Variants in MBOAT2 observed in about 807,000 individuals in gnomAD.
MBOAT2 encodes the protein membrane bound glycerophospholipid O-acyltransferase 2, also known as membrane-bound glycerophospholipid O-acyltransferase 2.
In MBOAT2, 28 loss-of-function variants were observed where a neutral mutation model predicts 63.4. The observed-to-expected ratio is 0.44, with a 90% CI of 0.33 to 0.61. MBOAT2 has a LOEUF of 0.61. Among genes scored for constraint, MBOAT2 ranks in the 20% least tolerant of loss-of-function variants. MBOAT2 has a pLI of 0.03. For synonymous variants in MBOAT2, 211 were observed against 215.6 expected (o/e 0.98, Z 0.19); for missense variants, 470 against 605.8 (o/e 0.78, Z 2.35).
intron 6 of MBOAT2, among the ~76,000 whole-genome samples, chr2:8,877,453 C>T (rs578004271): frequency 1.3e-5 from 2 of 152,184 alleles, no homozygotes; most frequent in South Asian, 2.1e-4. Context: ...AGATTTCTCA[C>T]GATGAGACAA....
intron 1 of MBOAT2, among the ~76,000 whole-genome samples, chr2:8,998,935 C>G (rs892397854): frequency 3.3e-5 from 5 of 152,188 alleles, no homozygotes; most frequent in African/African-American, 1.2e-4. Context: ...CTAAATACTT[C>G]AGGTCTTGAA....
At chr2:8,922,903 G>A (rs1350358110) in intron 3 of MBOAT2, among the ~76,000 whole-genome samples, 1 of 152,218 alleles carries the variant, frequency 6.6e-6, no homozygotes, top group Non-Finnish European at 1.5e-5. Flanking sequence ...ACTGCATGGG[G>A]TTCTCTGCCT....
intron 3 of MBOAT2, among the ~76,000 whole-genome samples, chr2:8,933,030 A>G (rs1016843727): frequency 2.0e-5 from 3 of 152,218 alleles, no homozygotes; most frequent in South Asian, 4.1e-4. Context: ...TTTTCTCACA[A>G]AACTTCAACA....
rs185547514 is a variant in MBOAT2 at position 8,896,845 on chromosome 2, G to C, written c.396-8772C>G. On this transcript the variant is annotated intron_variant, in intron 4 of 12. Coordinates refer to ENST00000305997, the MANE Select transcript of MBOAT2 (RefSeq NM_138799.4). ...GCCTGGGAGGAACCATCTATCTCCT[G>C]TCCTGAAGGGAGTTCCTCCTATGCC... is the stretch of plus-strand genomic sequence containing the variant. 3.2e-3 allele frequency among the ~76,000 whole-genome samples: 481 copies of C among 152,296 alleles called. 2 individuals are homozygous for C. The highest frequency in any genetic ancestry group is 5.3e-3 in the Non-Finnish European group (358 of 68,030).
At chr2:8,895,031 AC>A (rs1664333674) in intron 4 of MBOAT2, among the ~76,000 whole-genome samples, 1 of 152,230 alleles carries the variant, frequency 6.6e-6, no homozygotes, top group South Asian at 2.1e-4. Context: ...AAAGCTGCAG[AC>A]CTTCATGGTG....
chr2:8,924,993 C>A (rs377665455), intron 3 of MBOAT2, among the ~76,000 whole-genome samples: 1 of 152,026 alleles, frequency 6.6e-6, no homozygotes, highest in Non-Finnish European at 1.5e-5. Context: ...AAAAAACATT[C>A]AAAGCTTTTT....
intron 7 of MBOAT2, among the ~76,000 whole-genome samples, chr2:8,874,324 C>A (rs144492780): frequency 1.2e-3 from 180 of 152,226 alleles, no homozygotes; most frequent in African/African-American, 4.2e-3. Flanking sequence ...TCTTTTATCC[C>A]TTTCTTTAAT....
chr2:8,985,289 AT>A (rs1284598056), intron 1 of MBOAT2, among the ~76,000 whole-genome samples: 1 of 152,136 alleles, frequency 6.6e-6, no homozygotes, highest in Non-Finnish European at 1.5e-5. Context: ...TTTGATTTAA[AT>A]TTTTTTCATC....
At chr2:8,897,275 TTC>T (rs1217608321) in intron 4 of MBOAT2, among the ~76,000 whole-genome samples, 1 of 152,118 alleles carries the variant, frequency 6.6e-6, no homozygotes, top group Non-Finnish European at 1.5e-5. Context: ...TTCTGTCTCT[TTC>T]TCTCTTTCCT....
At chr2:8,943,126 T>G in intron 3 of MBOAT2, 61 bp downstream of exon 3, 1 of 927,292 alleles carries the variant, frequency 1.1e-6, no homozygotes. Context: ...TAAAATTCTA[T>G]TTTGATGCAG....
intron 2 of MBOAT2, among the ~76,000 whole-genome samples, chr2:8,954,448 T>TC (rs542887499): frequency 6.1e-4 from 92 of 151,744 alleles, no homozygotes; most frequent in African/African-American, 2.1e-3. Flanking sequence ...GGCCTACAGA[T>TC]CCCCCAGTGG....
chr2:8,864,911 T>C (rs1250664931), intron 9 of MBOAT2, among the ~76,000 whole-genome samples: 1 of 152,238 alleles, frequency 6.6e-6, no homozygotes. Context: ...TGTTCCCTTA[T>C]GTAAATTACT....
At chr2:8,877,479 A>G (rs1662780457) in intron 6 of MBOAT2, among the ~76,000 whole-genome samples, 1 of 152,218 alleles carries the variant, frequency 6.6e-6, no homozygotes, top group Admixed American at 6.5e-5. Flanking sequence ...AGATGGACGC[A>G]CTATCTGCAA....
chr2:8,977,023 G>T (rs1187867017), intron 1 of MBOAT2, among the ~76,000 whole-genome samples: 1 of 152,076 alleles, frequency 6.6e-6, no homozygotes, highest in Non-Finnish European at 1.5e-5. Flanking sequence ...ATCAGTGGTT[G>T]CCTGGGGATG....
chr2:8,897,560 T>G (rs1315326352), intron 4 of MBOAT2, among the ~76,000 whole-genome samples: 2 of 152,368 alleles, frequency 1.3e-5, no homozygotes, highest in Non-Finnish European at 2.9e-5. Flanking sequence ...GTTCTAAGGC[T>G]TGGGTAAGTG....
At chr2:8,943,490 A>G (rs1668194586) in intron 2 of MBOAT2, among the ~76,000 whole-genome samples, 1 of 152,216 alleles carries the variant, frequency 6.6e-6, no homozygotes, top group Non-Finnish European at 1.5e-5. Flanking sequence ...AGCCATGCCC[A>G]GTGCCCAGCA....
In MBOAT2 at chr2:8,853,677, A is replaced by G. The variant is rs1381819852; in HGVS notation, c.*5002T>C. 3 of 152,352 alleles carry G rather than the reference A, an allele frequency of 2.0e-5. No individual in the cohort carries two copies. The highest frequency in any genetic ancestry group is 7.2e-5 in the African/African-American group (3 of 41,574). The allele number at this position is 152,352 out of a possible 1,614,324, so 9.4% of individuals were successfully genotyped here. ...TGATAAAACATGGCTGGAGATGGCT[A>G]TGAATCGCTGAGTAAGCTTCAGACA... On this transcript the variant is annotated 3_prime_UTR_variant, in exon 13 of 13. Transcript: ENST00000305997.
chr2:8,994,140 C>T (rs529068034), intron 1 of MBOAT2, among the ~76,000 whole-genome samples: 3 of 152,246 alleles, frequency 2.0e-5, no homozygotes, highest in South Asian at 2.1e-4. Context: ...AAACATGCTC[C>T]GTGCCAAGAA....
intron 3 of MBOAT2, among the ~76,000 whole-genome samples, chr2:8,919,042 G>A (rs1179194798): frequency 2.6e-5 from 4 of 152,068 alleles, no homozygotes; most frequent in Admixed American, 6.5e-5. Context: ...TCCACTTACC[G>A]TGCTCTTGAG....
Sources: gnomAD v4.1 joint callset for allele counts (sites outside exome capture counted in the v4.1 genomes callset) on GRCh38, gnomAD v4.1.1 for gene constraint, MANE v1.5 for transcripts, NCBI Gene and HGNC (gene_info 2026-07-23, HGNC 2026-07-21) for gene names.